The following KYAT3 variants were observed in gnomAD, a reference collection of about 807,000 sequenced individuals.
KYAT3 encodes kynurenine aminotransferase 3, also known as kynurenine--oxoglutarate transaminase 3.
KYAT3 carries 50 observed loss-of-function variants against 59.0 expected under a neutral mutation model. The observed-to-expected ratio is 0.85, with a 90% CI of 0.68 to 1.07. The LOEUF (loss-of-function observed/expected upper bound fraction) is 1.07. Among genes scored for constraint, KYAT3 ranks in the 50% least tolerant of loss-of-function variants. The pLI, the probability that KYAT3 is intolerant of heterozygous loss-of-function variation, is 0.00. For synonymous variants in KYAT3, 148 were observed against 177.0 expected, an observed-to-expected ratio of 0.84 and a Z score of 1.30; for missense variants, 497 against 533.3, an observed-to-expected ratio of 0.93 and a Z score of 0.67.
intron 2 of KYAT3, chr1:88,982,441 T>C (rs1677140673): frequency 3.0e-6 from 3 of 1,000,742 alleles, no homozygotes; most frequent in Non-Finnish European, 4.2e-6. Context: ...ATTTGCTTGT[T>C]GAAAAGCAAT....
chr1:88,932,501 A>G (rs148732748), downstream of KYAT3, among the ~76,000 whole-genome samples: 2 of 152,214 alleles, frequency 1.3e-5, no homozygotes, highest in East Asian at 3.9e-4. Context: ...CATTATTACT[A>G]TTATTATTTT....
chr1:88,985,475 C>A (rs775455055), intron 2 of KYAT3, among the ~76,000 whole-genome samples: 2 of 152,218 alleles, frequency 1.3e-5, no homozygotes, highest in Non-Finnish European at 2.9e-5. Flanking sequence ...CCCTCACACA[C>A]ATGCCATGTT....
At chr1:88,941,474 T>A (rs1408928322) in intron 13 of KYAT3, among the ~76,000 whole-genome samples, 1 of 152,086 alleles carries the variant, frequency 6.6e-6, no homozygotes, top group African/African-American at 2.4e-5. Flanking sequence ...GTCAGGGATA[T>A]CTACTTCATT....
At chr1:88,954,977 G>T (rs1222086413) in intron 9 of KYAT3, among the ~76,000 whole-genome samples, 172 bp downstream of exon 9, 1 of 152,220 alleles carries the variant, frequency 6.6e-6, no homozygotes, top group South Asian at 2.1e-4. Context: ...TGTAGCCAAG[G>T]TTGGTCTTGA....
chr1:88,955,942 G>A (rs74097892), intron 8 of KYAT3, among the ~76,000 whole-genome samples: 4,944 of 152,224 alleles, frequency 0.032, 242 homozygotes, highest in African/African-American at 0.11. Flanking sequence ...ATGCCATTCA[G>A]TGATTTTTTT....
chr1:88,931,457 T>C (rs1043481438), downstream of KYAT3, among the ~76,000 whole-genome samples: 8 of 152,258 alleles, frequency 5.3e-5, 1 homozygote, highest in Admixed American at 5.2e-4. Flanking sequence ...GCACCCCTCC[T>C]GAGGAAATCT....
rs200266363 is a variant in KYAT3, at chr1:88,953,074, T to C, written c.943A>G (p.Thr315Ala). The C allele has an allele frequency of 6.1e-5, 98 of 1,606,282 alleles. No homozygotes were observed. The highest frequency in any genetic ancestry group is 7.8e-5 in the Non-Finnish European group (91 of 1,173,076). ...VQQNTIYTCA[T>A]PLQEALAQAF... ...ACTATAACACTTACCTGTAAAGGAG[T>C]TGCACAAGTATAAATCGTGTTTTGT... The change falls in exon 10 of 14, where the codon ACT (threonine) becomes GCT (alanine). Residue 315 changes from threonine (T) to alanine (A), a missense_variant. Coordinates refer to ENST00000260508, the MANE Select transcript of KYAT3 (RefSeq NM_001008661.3).
downstream of KYAT3, among the ~76,000 whole-genome samples, chr1:88,934,244 C>G (rs972243392): frequency 3.9e-5 from 6 of 152,038 alleles, no homozygotes; most frequent in Admixed American, 6.5e-5. Context: ...CACTTGAGGC[C>G]AGGAGTTTGA....
chr1:88,981,897 TA>T (rs1315545157), intron 2 of KYAT3: 2 of 887,880 alleles, frequency 2.3e-6, no homozygotes, highest in Non-Finnish European at 2.7e-6. Context: ...GCTGTTCCTT[TA>T]AAAGTGAGAC....
intron 3 of KYAT3, 93 bp downstream of exon 3, chr1:88,969,316 A>C (rs1230356368): frequency 2.7e-6 from 2 of 739,782 alleles, no homozygotes; most frequent in Non-Finnish European, 4.8e-6. Context: ...CTTTATTTAT[A>C]GACCATGGAT....
the KYAT3 span, among the ~76,000 whole-genome samples, chr1:88,925,682 AAGAGAGAGAG>A: frequency 2.3e-4 from 34 of 147,990 alleles, no homozygotes; most frequent in African/African-American, 7.7e-4. Flanking sequence ...AGAGAGATGG[AAGAGAGAGAG>A]AGAGAGAGAG....
chr1:88,961,268 A>C lies in KYAT3; in HGVS notation c.686T>G (p.Leu229Arg), dbSNP rs763481980. Residue 229 changes from leucine (L) to arginine (R), a missense_variant, in exon 8 of 14, where the codon CTG becomes CGG. Coordinates refer to ENST00000260508, the MANE Select transcript of KYAT3 (RefSeq NM_001008661.3). ...GATGCAAAGGTCAGCAATTACTTGC[A>C]GTTCCTCTCTGTTATACACCTACAC... ...PLGKVYNREE[L>R]QVIADLCIKY... 43 of 1,613,566 alleles carry C rather than the reference A, an allele frequency of 2.7e-5. No individual in the cohort carries two copies. The highest frequency in any genetic ancestry group is 7.6e-6 in the Non-Finnish European group (9 of 1,179,946).
chr1:88,983,650 T>C (rs750615276), intron 2 of KYAT3: 1 of 1,613,892 alleles, frequency 6.2e-7, no homozygotes, highest in South Asian at 1.1e-5. Context: ...TAGCGTCTGC[T>C]GGGCTTTCAA....
chr1:88,961,548 C>A, intron 6 of KYAT3, 42 bp from the exon 7 acceptor site: 1 of 1,548,682 alleles, frequency 6.5e-7, no homozygotes, highest in South Asian at 1.2e-5. Context: ...TCAATTAAGT[C>A]ATGTTTACTG....
chr1:88,979,615 A>T (rs1408749956), intron 2 of KYAT3: 2 of 152,132 alleles, frequency 1.3e-5, no homozygotes, highest in African/African-American at 4.8e-5. Flanking sequence ...AGCATTAGTC[A>T]CCCGGGGAAA....
chr1:88,946,613 C>T (rs1675452066), intron 11 of KYAT3, among the ~76,000 whole-genome samples: 1 of 152,108 alleles, frequency 6.6e-6, no homozygotes, highest in Non-Finnish European at 1.5e-5. Flanking sequence ...ATATGGAAAT[C>T]TTGGGGATTT....
chr1:88,951,543 C>T (rs1675672521), intron 10 of KYAT3, among the ~76,000 whole-genome samples: 1 of 151,848 alleles, frequency 6.6e-6, no homozygotes, highest in South Asian at 2.1e-4. Context: ...TTCTTTTGCC[C>T]TTTTAACTGC....
intron 5 of KYAT3, among the ~76,000 whole-genome samples, chr1:88,964,324 GA>G (rs1306229744): frequency 6.6e-6 from 1 of 152,204 alleles, no homozygotes; most frequent in Non-Finnish European, 1.5e-5. Flanking sequence ...TTTTAGCAAT[GA>G]AAACAAAAGA....
At position 88,955,200 on chromosome 1, in the gene KYAT3, T is replaced by A; in HGVS notation, c.813A>T (p.Arg271Ser). The change falls in exon 9 of 14, where the codon AGA becomes AGT. Residue 271 changes from arginine (R) to serine (S), a missense_variant. Around this residue, in one of 2 missense-constraint regions of KYAT3, gnomAD observed 469 missense variants for 479.1 expected, o/e 0.98. Coordinates refer to ENST00000260508, the MANE Select transcript of KYAT3 (RefSeq NM_001008661.3). ...KIATFPGMWE[R>S]TITIGSAGKT... Reference sequence around the variant, plus strand: ...TTCCAGCACTTCCTATTGTTATTGTTCTCTCCCACATACCTGGAAAAGTAG... The same window carrying A: ...TTCCAGCACTTCCTATTGTTATTGTACTCTCCCACATACCTGGAAAAGTAG... The A allele has an allele frequency of 2.5e-6, 4 of 1,612,270 alleles. No homozygotes were observed. Among genetic ancestry groups the A allele is most frequent in the Non-Finnish European group, 3.4e-6 (4 of 1,178,492 alleles).
Sources: allele counts gnomAD v4.1 joint callset (sites outside exome capture counted in the v4.1 genomes callset), GRCh38; gene constraint gnomAD v4.1.1; regional missense constraint gnomAD v4.1.1; transcripts MANE v1.5; gene names NCBI Gene and HGNC (gene_info 2026-07-23, HGNC 2026-07-21).